The following DCHS1 variants were observed in gnomAD, a reference collection of about 807,000 sequenced individuals.
DCHS1 encodes protocadherin-16.
DCHS1 carries 78 observed loss-of-function variants against 213.9 expected under a neutral mutation model. That is an observed-to-expected ratio of 0.36 (90% confidence interval 0.30 to 0.44). The LOEUF is 0.44. DCHS1 is among the 20% of genes least tolerant of loss of function. The pLI, the probability that DCHS1 is intolerant of heterozygous loss-of-function variation, is 1.00. For synonymous variants in DCHS1, 1,828 were observed against 1,873.7 expected (o/e 0.98, Z 0.63); for missense variants, 3,946 against 4,395.9 (o/e 0.90, Z 2.89).
chr11:6,630,465 C>T lies in DCHS1; in HGVS notation c.4329G>A (p.Leu1443=), dbSNP rs751269525. ...CGGGCTCCGGGTTCTCTGGCAGCGC[C>T]AGCGCCAGCGGGTCGCGCGCAAAGG... The part of the protein sequence containing the change: ...APAFARDPLA[L]ALPENPEPGA... Residue 1443 remains leucine (L), a synonymous_variant, in exon 10 of 21, where the codon CTG becomes CTA. Transcript: ENST00000299441. The T allele has an allele frequency of 4.6e-6, 7 of 1,523,634 alleles. No homozygotes were observed. In the African/African-American group the frequency reaches 1.0e-4, roughly 22 times the overall value. 94.4% of individuals were successfully genotyped at this position (1,523,634 alleles called of 1,614,324 possible).
At position 6,622,095 on chromosome 11, in the gene DCHS1, G is replaced by A; in HGVS notation, c.9581C>T (p.Pro3194Leu). 1 of 1,613,234 alleles carries A rather than the reference G, an allele frequency of 6.2e-7. No individual in the cohort carries two copies. Among genetic ancestry groups the A allele is most frequent in the South Asian group, 1.1e-5 (1 of 91,072 alleles). ...TGGTGGGTCGATACGGGGAGCTGGG[G>A]GACATGGCCGAGCTTCATCCTTGAG... is the stretch of plus-strand genomic sequence containing the variant. The part of the protein sequence containing the change: ...ARLKDEARPC[P>L]PAPRIDPPPL... Residue 3194 changes from proline to leucine, a missense_variant, in exon 21 of 21, where the codon CCC (proline) becomes CTC (leucine). Physicochemically the swap from Pro to Leu is moderately conservative, Grantham distance 98. This residue lies in a region of DCHS1 where 554 missense variants were observed against 590.2 expected (regional missense o/e 0.94). Transcript: ENST00000299441. This position sits in a 1 kb window ranked among gnomAD's most constrained non-coding sequence, Gnocchi z 5.4.
intron 2 of DCHS1, among the ~76,000 whole-genome samples, chr11:6,635,671 T>C (rs142818481): frequency 1.3e-5 from 2 of 152,200 alleles, no homozygotes; most frequent in Non-Finnish European, 2.9e-5. Context: ...CTACTGTGGC[T>C]GTGGGCCCGG....
Position 6,622,003 on chromosome 11 carries a change from C to T in DCHS1, c.9673G>A (p.Ala3225Thr), listed in dbSNP as rs781137547. The T allele has an allele frequency of 3.1e-6, 5 of 1,613,216 alleles. No individual in the cohort carries two copies. Among genetic ancestry groups the T allele is most frequent in the South Asian group, 1.1e-5 (1 of 91,030 alleles). ...GCTGGTGGGAAGATGGCCCGGGCTGCAGCTGTGTTTGCTGGCTTGGGGGGC... is the reference window on the plus strand; with the variant it reads ...GCTGGTGGGAAGATGGCCCGGGCTGTAGCTGTGTTTGCTGGCTTGGGGGGC... ...SVPPKPANTA[A>T]ARAIFPPASH... is the part of the protein sequence containing the mutation. Residue 3225 changes from alanine (A) to threonine (T), a missense_variant, in exon 21 of 21, where the codon GCA (alanine) becomes ACA (threonine). Physicochemically the swap from Ala to Thr is moderately conservative, Grantham distance 58. Transcript: ENST00000299441. This position sits in a 1 kb window ranked among gnomAD's most constrained non-coding sequence, Gnocchi z 5.4.
chr11:6,649,689 C>T (rs552659745), intron 1 of DCHS1, among the ~76,000 whole-genome samples: 12 of 152,138 alleles, frequency 7.9e-5, no homozygotes, highest in South Asian at 4.2e-4. Flanking sequence ...TAGGGAGACT[C>T]GGCAGGGACG....
rs758356100 is a variant in DCHS1, at chr11:6,631,141, C to T, written c.3842G>A (p.Arg1281Gln). 47 of 1,613,258 alleles carry T rather than the reference C, an allele frequency of 2.9e-5. No individual in the cohort carries two copies. The highest frequency in any genetic ancestry group is 1.5e-4 in the South Asian group (14 of 91,042). The change falls in exon 9 of 21, where the codon CGA becomes CAA. Residue 1281 changes from arginine to glutamine, a missense_variant. By Grantham distance (43) the Arg-to-Gln change is conservative. Coordinates refer to ENST00000299441, the MANE Select transcript of DCHS1 (RefSeq NM_003737.4). Reference protein sequence around the residue: ...GELLTAAPLIRAERPHYVLTL... With the variant: ...GELLTAAPLIQAERPHYVLTL... ...CAGCACATAGTGGGGCCGCTCTGCT[C>T]GGATCAGGGGAGCTGCAGTGAGCAG...
At chr11:6,650,729 A>C (rs1028866142) in intron 1 of DCHS1, among the ~76,000 whole-genome samples, 1 of 152,216 alleles carries the variant, frequency 6.6e-6, no homozygotes, top group African/African-American at 2.4e-5. Flanking sequence ...AATGCCTTGT[A>C]GTCTGGCACA....
Position 6,621,921 on chromosome 11 carries a change from G to A in DCHS1, c.9755C>T (p.Pro3252Leu). ...AGGAGACAGAGAGGGTGAGAAGCTG[G>A]GGGACATGGCAGCTGAGGACAGGGA... Reference protein sequence around the residue: ...EGSLSSAAMSPSFSPSLSPLA... With the variant: ...EGSLSSAAMSLSFSPSLSPLA... Residue 3252 changes from proline (P) to leucine (L), a missense_variant, in exon 21 of 21, where the codon CCC (proline) becomes CTC (leucine). By Grantham distance (98) the Pro-to-Leu change is moderately conservative (BLOSUM62 -3). Transcript: ENST00000299441. 6.2e-7 allele frequency: 1 copy of A among 1,613,342 alleles called. No homozygotes were observed. Among genetic ancestry groups the A allele is most frequent in the Non-Finnish European group, 8.5e-7 (1 of 1,179,636 alleles).
Position 6,640,217 on chromosome 11 carries a change from T to C in DCHS1, c.1397A>G (p.Asn466Ser). ...GCGGTCAAAGGCAGGTGCATTGTCG[T>C]TGACATCAGTGACGTGCAGCACAAA... ...AAFVLHVTDVNDNAPAFDRQL... is the reference protein window; with the variant it reads ...AAFVLHVTDVSDNAPAFDRQL... The change falls in exon 2 of 21, where the codon AAC (asparagine) becomes AGC (serine). Residue 466 changes from asparagine (N) to serine (S), a missense_variant. Transcript: ENST00000299441. This position sits in a 1 kb window ranked among gnomAD's most constrained non-coding sequence, Gnocchi z 6.5. 6.2e-7 allele frequency: 1 copy of C among 1,613,192 alleles called. No individual in the cohort carries two copies. The highest frequency in any genetic ancestry group is 1.3e-5 in the African/African-American group (1 of 75,030).
In DCHS1 at chr11:6,633,619, T is replaced by C. The variant is rs771651308; in HGVS notation, c.2248A>G (p.Arg750Gly). Residue 750 changes from arginine to glycine, a missense_variant, in exon 5 of 21, where the codon AGA becomes GGA. Arg to Gly is a moderately radical substitution (Grantham distance 125). Around this residue, in one of 3 missense-constraint regions of DCHS1, gnomAD observed 3,384 missense variants for 3,780.1 expected, o/e 0.90. Transcript: ENST00000299441. ...AGCTGCACCACAGAATTGGCCCGTC[T>C]GGCCAAGGGCCAGGCTACTGTCAAC... ...GLLTVAWPLARRANSVVQLEI... is the reference protein window; with the variant it reads ...GLLTVAWPLAGRANSVVQLEI... The C allele has an allele frequency of 1.1e-5, 17 of 1,599,878 alleles. No homozygotes were observed. In the Admixed American group the frequency reaches 2.8e-4, roughly 26 times the overall value.
chr11:6,644,658 A>G (rs185776617), intron 1 of DCHS1, among the ~76,000 whole-genome samples: 2 of 152,340 alleles, frequency 1.3e-5, no homozygotes, highest in Admixed American at 1.3e-4. Context: ...ATTCTCCAGC[A>G]TTTAGTAGAG....
At chr11:6,651,472 G>A (rs1856241637) in intron 1 of DCHS1, among the ~76,000 whole-genome samples, 1 of 152,210 alleles carries the variant, frequency 6.6e-6, no homozygotes, top group African/African-American at 2.4e-5. Context: ...TTGTTAAAAA[G>A]AAAAGATTTT....
At chr11:6,631,015 C>T (rs1383545512) in intron 9 of DCHS1, 38 bp downstream of exon 9, 2 of 1,574,562 alleles carry the variant, frequency 1.3e-6, no homozygotes, top group African/African-American at 1.4e-5. Flanking sequence ...CTGAAGGGGA[C>T]CTACAGCGGT....
rs1413885441 is a variant in DCHS1, at chr11:6,622,488, C to T, written c.9188G>A (p.Arg3063His). The T allele has an allele frequency of 7.6e-6, 12 of 1,571,962 alleles. No homozygotes were observed. The highest frequency in any genetic ancestry group is 1.9e-5 in the Admixed American group (1 of 53,398). Residue 3063 changes from arginine (R) to histidine (H), a missense_variant, in exon 21 of 21, where the codon CGT becomes CAT. Physicochemically the swap from Arg to His is conservative, Grantham distance 29. Coordinates refer to ENST00000299441, the MANE Select transcript of DCHS1 (RefSeq NM_003737.4). The surrounding 1 kb of genome is among the most constrained non-coding windows in gnomAD (Gnocchi z 5.4). ...VASVASSLAA[R>H]GPDSGIQQDA... is the part of the protein sequence containing the mutation. ...CTGCTGGATGCCTGAGTCAGGGCCA[C>T]GGGCAGCCAGAGAGGAGGCCACACT...
chr11:6,634,398 C>G (rs2134635473), intron 2 of DCHS1, 92 bp from the exon 3 acceptor site: 2 of 1,398,012 alleles, frequency 1.4e-6, no homozygotes, highest in Non-Finnish European at 1.9e-6. Flanking sequence ...GGTGCTAAGT[C>G]TCTGGATGGC....
rs1457570059 is a variant in DCHS1, at chr11:6,626,122, C to G, written c.6576+47G>C. On this transcript the variant is annotated intron_variant, in intron 16 of 20. Coordinates refer to ENST00000299441, the MANE Select transcript of DCHS1 (RefSeq NM_003737.4). The surrounding 1 kb of genome is among the most constrained non-coding windows in gnomAD (Gnocchi z 5.2). ...GGGACTGGTCTGGCCACAGACAAGT[C>G]TGACTAGCCCTGCTCCCCCGCCCAA... 6.3e-7 allele frequency: 1 copy of G among 1,595,180 alleles called. No individual in the cohort carries two copies. The highest frequency in any genetic ancestry group is 1.8e-5 in the Admixed American group (1 of 57,076).
rs764761610 is a variant in DCHS1 at position 6,624,025 on chromosome 11, G to A, written c.7651C>T (p.Leu2551=). 3 of 1,613,496 alleles carry A rather than the reference G, an allele frequency of 1.9e-6. No individual in the cohort carries two copies. The highest frequency in any genetic ancestry group is 2.2e-5 in the East Asian group (1 of 44,894). The part of the protein sequence containing the change: ...GESAGPGPRA[L]GCLVLLEPLD... The stretch of plus-strand genomic sequence containing the variant: ...GGTTCAAGCAACACCAGGCAGCCCA[G>A]TGCCCGGGGGCCTGGTCCAGCACTC... Residue 2551 remains leucine, a synonymous_variant, in exon 21 of 21, where the codon CTG becomes TTG. Coordinates refer to ENST00000299441, the MANE Select transcript of DCHS1 (RefSeq NM_003737.4).
chr11:6,639,129 T>G (rs932132320), intron 2 of DCHS1, among the ~76,000 whole-genome samples: 1 of 151,108 alleles, frequency 6.6e-6, no homozygotes, highest in Non-Finnish European at 1.5e-5. Context: ...AAAAAGAAGT[T>G]CAGTGAGCTC....
chr11:6,632,840 G>A lies in DCHS1; in HGVS notation c.2672C>T (p.Ser891Phe). 6.2e-7 allele frequency: 1 copy of A among 1,614,028 alleles called. No homozygotes were observed. Among genetic ancestry groups the A allele is most frequent in the Non-Finnish European group, 8.5e-7 (1 of 1,179,888 alleles). Reference protein sequence around the residue: ...RVLLDDVNDNSPAFPAPEDTV... With the variant: ...RVLLDDVNDNFPAFPAPEDTV... ...GTCTTCAGGTGCAGGAAAGGCAGGG[G>A]AGTTGTCATTCACATCATCCAGCAG... The change falls in exon 6 of 21, where the codon TCC (serine) becomes TTC (phenylalanine). Residue 891 changes from serine to phenylalanine, a missense_variant. Ser to Phe is a radical substitution (Grantham distance 155). This residue lies in a region of DCHS1 where 3,384 missense variants were observed against 3,780.1 expected (regional missense o/e 0.90). Coordinates refer to ENST00000299441, the MANE Select transcript of DCHS1 (RefSeq NM_003737.4). The surrounding 1 kb of genome is among the most constrained non-coding windows in gnomAD (Gnocchi z 5.9).
At chr11:6,629,352 G>A in intron 12 of DCHS1, 100 bp downstream of exon 12, 1 of 1,479,812 alleles carries the variant, frequency 6.8e-7, no homozygotes, top group African/African-American at 1.4e-5. Context: ...TGTGGTAATA[G>A]GCAAAAACTT....
Sources: allele counts gnomAD v4.1 joint callset (sites outside exome capture counted in the v4.1 genomes callset), GRCh38; gene constraint gnomAD v4.1.1; regional missense constraint gnomAD v4.1.1; non-coding constraint Gnocchi (gnomAD v3.1); transcripts MANE v1.5; gene names NCBI Gene and HGNC (gene_info 2026-07-23, HGNC 2026-07-21).